SPIRE2: variants seen among roughly 807,000 people sequenced by gnomAD.
SPIRE2 encodes the protein protein spire homolog 2.
Under a neutral mutation model 80.7 loss-of-function variants are expected in SPIRE2, and 76 were observed. The observed-to-expected ratio is 0.94, with a 90% CI of 0.78 to 1.14. The LOEUF (loss-of-function observed/expected upper bound fraction) is 1.14. Ranked by LOEUF, SPIRE2 falls within the 50% of genes most tolerant of loss-of-function variation. SPIRE2 has a pLI of 0.00. For synonymous variants in SPIRE2, 535 were observed against 432.6 expected (o/e 1.24, Z -2.94); for missense variants, 1,196 against 1,015.3 (o/e 1.18, Z -2.42).
intron 1 of SPIRE2, among the ~76,000 whole-genome samples, chr16:89,830,206 C>T (rs530004695): frequency 6.6e-6 from 1 of 151,290 alleles, no homozygotes; most frequent in South Asian, 2.1e-4. Context: ...CTGATTCTCT[C>T]CACCTCCATC....
At chr16:89,839,056 A>C (rs1017701510) in intron 1 of SPIRE2, among the ~76,000 whole-genome samples, 4 of 145,448 alleles carry the variant, frequency 2.8e-5, no homozygotes, top group African/African-American at 1.0e-4. Context: ...AACTGTTAGG[A>C]GGGGGCTGGG....
intron 1 of SPIRE2, among the ~76,000 whole-genome samples, chr16:89,840,163 C>T (rs1021316073): frequency 1.3e-5 from 2 of 151,974 alleles, no homozygotes; most frequent in East Asian, 1.9e-4. Context: ...CAGTGTGGGA[C>T]GACCTTCCTC....
rs2041832726 is a variant in SPIRE2 at position 89,870,730 on chromosome 16, C to G, written c.*458C>G. The stretch of plus-strand genomic sequence containing the variant: ...TGCTCTCCCTTTGTGGGGACTCAGG[C>G]AGCAGAGGCATCTGGGAAGTCTCTG... On this transcript the variant is annotated 3_prime_UTR_variant, in exon 15 of 15. Coordinates refer to ENST00000378247, the MANE Select transcript of SPIRE2 (RefSeq NM_032451.2). 1 of 164,362 alleles carries G rather than the reference C, an allele frequency of 6.1e-6. No individual in the cohort carries two copies. The highest frequency in any genetic ancestry group is 5.5e-5 in the Admixed American group (1 of 18,230). The allele number at this position is 164,362 out of a possible 1,614,324, so 10.2% of individuals were successfully genotyped here.
At chr16:89,829,851 G>A (rs1417601607) in intron 1 of SPIRE2, among the ~76,000 whole-genome samples, 5 of 151,428 alleles carry the variant, frequency 3.3e-5, no homozygotes, top group East Asian at 1.9e-4. Context: ...CAGTGGCAGC[G>A]TTCAGATTCA....
intron 12 of SPIRE2, among the ~76,000 whole-genome samples, chr16:89,866,456 C>G (rs1195005603): frequency 6.6e-6 from 1 of 152,108 alleles, no homozygotes; most frequent in South Asian, 2.1e-4. Flanking sequence ...TGCCACCACA[C>G]TTGCTAATTT....
chr16:89,835,838 C>G (rs1430534553), intron 1 of SPIRE2, among the ~76,000 whole-genome samples: 1 of 152,142 alleles, frequency 6.6e-6, no homozygotes, highest in Non-Finnish European at 1.5e-5. Flanking sequence ...GCGTGTGTCT[C>G]TCTGGGACTG....
rs550594038 is a variant in SPIRE2, at chr16:89,863,713, G to C, written c.1711-81G>C. On this transcript the variant is annotated intron_variant, in intron 11 of 14. Coordinates refer to ENST00000378247, the MANE Select transcript of SPIRE2 (RefSeq NM_032451.2). The surrounding 1 kb of genome is among the most constrained non-coding windows in gnomAD (Gnocchi z 4.3). ...CTGTTTGCTCATGATCTGGTTGGGA[G>C]CCCTGAGGGGGTAGCAGGGACAGGG... 4 of 1,608,034 alleles carry C rather than the reference G, an allele frequency of 2.5e-6. No homozygotes were observed. Among genetic ancestry groups the C allele is most frequent in the Non-Finnish European group, 3.4e-6 (4 of 1,174,766 alleles).
intron 1 of SPIRE2, chr16:89,836,410 C>T (rs2143781465): frequency 2.8e-6 from 1 of 360,488 alleles, no homozygotes; most frequent in Non-Finnish European, 5.6e-6. Context: ...AACCCACCTC[C>T]AGATCCTCCT....
At chr16:89,834,815 T>C (rs1289646382) in intron 1 of SPIRE2, among the ~76,000 whole-genome samples, 195 of 66,568 alleles carry the variant, frequency 2.9e-3, no homozygotes, top group Middle Eastern at 0.029. Context: ...CCTGCCCGCA[T>C]TCGCGGTTGG....
At chr16:89,839,198 C>T (rs892592269) in intron 1 of SPIRE2, among the ~76,000 whole-genome samples, 3 of 151,846 alleles carry the variant, frequency 2.0e-5, no homozygotes, top group African/African-American at 7.3e-5. Context: ...TTACTAAATA[C>T]AAAAAAATTA....
At chr16:89,836,343 G>A in intron 1 of SPIRE2, 1 of 426,864 alleles carries the variant, frequency 2.3e-6, no homozygotes. Flanking sequence ...AGCTTTAGGG[G>A]CCGTGATTCT....
chr16:89,831,161 G>T (rs1018869778), intron 1 of SPIRE2, among the ~76,000 whole-genome samples: 3 of 150,358 alleles, frequency 2.0e-5, no homozygotes, highest in Non-Finnish European at 4.5e-5. Flanking sequence ...TGCCCACCTC[G>T]GCCTTCCAAA....
Position 89,868,201 on chromosome 16 carries a change from T to G in SPIRE2, c.1791T>G (p.Thr597=), listed in dbSNP as rs1324138770. 1 of 1,614,114 alleles carries G rather than the reference T, an allele frequency of 6.2e-7. No individual in the cohort carries two copies. Among genetic ancestry groups the G allele is most frequent in the Non-Finnish European group, 8.5e-7 (1 of 1,179,990 alleles). Residue 597 remains threonine (T), a synonymous_variant, in exon 13 of 15, where the codon ACT becomes ACG. Transcript: ENST00000378247. ...SCLFCKRAVC[T]SCSIKMKMPS... ...TGTTCCCTTCCAGAGCCGTCTGCAC[T>G]TCCTGTAGCATAAAGGTGAGGACCA... is the stretch of plus-strand genomic sequence containing the variant.
intron 7 of SPIRE2, among the ~76,000 whole-genome samples, chr16:89,856,859 G>A (rs1460551754): frequency 2.6e-5 from 4 of 151,638 alleles, no homozygotes; most frequent in African/African-American, 9.7e-5. Context: ...CCAGGAGATC[G>A]AGACCAGCCT....
At chr16:89,865,635 C>T (rs769903644) in intron 12 of SPIRE2, among the ~76,000 whole-genome samples, 4 of 152,106 alleles carry the variant, frequency 2.6e-5, no homozygotes, top group Admixed American at 2.0e-4. Flanking sequence ...AAGTCATCCA[C>T]ACGACCCAAG....
In SPIRE2 at chr16:89,850,416, A is replaced by C; in HGVS notation, c.401A>C (p.Asn134Thr). 1.3e-6 allele frequency: 2 copies of C among 1,592,732 alleles called. No individual in the cohort carries two copies. The change falls in exon 3 of 15, where the codon AAC (asparagine) becomes ACC (threonine). Residue 134 changes from asparagine (N) to threonine (T), a missense_variant. Asn to Thr is a moderately conservative substitution (Grantham distance 65). Transcript: ENST00000378247. ...GAGCGGCTCATCGACCTCATGGCCA[A>C]CAACGACAGCGAGGACAGCGGCTGC... ...QLERLIDLMA[N>T]NDSEDSGCGA...
intron 2 of SPIRE2, 30 bp from the exon 3 acceptor site, chr16:89,850,274 C>T (rs749824696): frequency 2.0e-5 from 32 of 1,587,824 alleles, no homozygotes; most frequent in Non-Finnish European, 2.7e-5. Context: ...CCCTGCAGTA[C>T]CGCCCAGTGA....
intron 1 of SPIRE2, among the ~76,000 whole-genome samples, chr16:89,844,280 C>T (rs577010348): frequency 1.2e-4 from 18 of 152,132 alleles, no homozygotes; most frequent in African/African-American, 3.1e-4. Context: ...GCGATTCTCA[C>T]GCCTCAGTCT....
chr16:89,830,287 G>A (rs1324790266), intron 1 of SPIRE2, among the ~76,000 whole-genome samples: 1 of 151,322 alleles, frequency 6.6e-6, no homozygotes, highest in African/African-American at 2.4e-5. Flanking sequence ...TCAAAGTTCA[G>A]GTAGGGCACT....
Sources: allele counts gnomAD v4.1 joint callset (sites outside exome capture counted in the v4.1 genomes callset), GRCh38; gene constraint gnomAD v4.1.1; non-coding constraint Gnocchi (gnomAD v3.1); transcripts MANE v1.5; gene names NCBI Gene and HGNC (gene_info 2026-07-23, HGNC 2026-07-21).